GRAMD4: variants seen among roughly 807,000 people sequenced by gnomAD.
GRAMD4 encodes the protein GRAM domain-containing protein 4.
Under a neutral mutation model 83.9 loss-of-function variants are expected in GRAMD4, and 25 were observed. The observed-to-expected ratio is 0.30, with a 90% CI of 0.22 to 0.42. The LOEUF (loss-of-function observed/expected upper bound fraction) is 0.42. Among genes scored for constraint, GRAMD4 ranks in the 10% least tolerant of loss-of-function variants. The pLI is 1.00. For synonymous variants in GRAMD4, 336 were observed against 320.9 expected (o/e 1.05, Z -0.50); for missense variants, 593 against 788.7 (o/e 0.75, Z 2.97).
chr22:46,674,292 A>T (rs1293700332), intron 15 of GRAMD4, among the ~76,000 whole-genome samples: 4 of 151,978 alleles, frequency 2.6e-5, no homozygotes, highest in Non-Finnish European at 5.9e-5. Flanking sequence ...AGCTGCGGAG[A>T]ACGGAGCTTC....
At chr22:46,575,795 C>T (rs184787515), upstream of GRAMD4, among the ~76,000 whole-genome samples, 1 of 152,340 alleles carries the variant, frequency 6.6e-6, no homozygotes, top group African/African-American at 2.4e-5. Context: ...ACTGGGCAGC[C>T]CTTGCGGAAG....
At chr22:46,607,741 C>T (rs989908385) in intron 1 of GRAMD4, among the ~76,000 whole-genome samples, 8 of 152,352 alleles carry the variant, frequency 5.3e-5, no homozygotes, top group South Asian at 2.1e-4. Flanking sequence ...ACGCTGTGCT[C>T]GGAATGGGAC....
At chr22:46,586,399 T>C (rs1381897343) in intron 1 of GRAMD4, among the ~76,000 whole-genome samples, 2 of 152,038 alleles carry the variant, frequency 1.3e-5, no homozygotes, top group East Asian at 3.9e-4. Context: ...CGGGTGATGC[T>C]GGCTCGGAGG....
chr22:46,601,241 T>C (rs374115656), intron 1 of GRAMD4, among the ~76,000 whole-genome samples: 11 of 152,132 alleles, frequency 7.2e-5, no homozygotes, highest in East Asian at 5.8e-4. Context: ...GGAGACAGCT[T>C]GTCTTCTGTG....
chr22:46,668,030 T>G, intron 10 of GRAMD4, 66 bp from the exon 11 acceptor site: 1 of 1,175,390 alleles, frequency 8.5e-7, no homozygotes, highest in Non-Finnish European at 1.3e-6. Flanking sequence ...CTCCACACTG[T>G]TTTGTCAGTG....
chr22:46,665,544 G>C (rs1457239869), intron 8 of GRAMD4, 71 bp from the exon 9 acceptor site: 2 of 811,664 alleles, frequency 2.5e-6, no homozygotes, highest in East Asian at 2.6e-5. Flanking sequence ...CTGGTGGGGG[G>C]AGGCGGGAGG....
chr22:46,630,101 T>C (rs926115485), intron 2 of GRAMD4, among the ~76,000 whole-genome samples: 30 of 151,450 alleles, frequency 2.0e-4, no homozygotes, highest in Non-Finnish European at 2.9e-4. Flanking sequence ...CTCGGCTCAC[T>C]GCAACCTCCA....
At chr22:46,624,349 T>TTTTTTTTTTTTTTTTTTTTC (rs1447936104) in intron 1 of GRAMD4, among the ~76,000 whole-genome samples, 2 of 130,162 alleles carry the variant, frequency 1.5e-5, no homozygotes, top group Non-Finnish European at 3.2e-5. Context: ...TTTTTTTTTT[T>TTTTTTTTTTTTTTTTTTTTC]CTGAGACGGA....
At chr22:46,666,133 G>A (rs1211169223) in intron 9 of GRAMD4, among the ~76,000 whole-genome samples, 2 of 152,192 alleles carry the variant, frequency 1.3e-5, no homozygotes, top group East Asian at 1.9e-4. Flanking sequence ...CAGCACGCCC[G>A]TGTGACTGAC....
At chr22:46,639,807 A>T (rs1235055012) in intron 3 of GRAMD4, among the ~76,000 whole-genome samples, 1 of 152,188 alleles carries the variant, frequency 6.6e-6, no homozygotes, top group Non-Finnish European at 1.5e-5. Context: ...CTCTGGTGAC[A>T]CACTATGGCT....
At chr22:46,673,018 CG>C in intron 14 of GRAMD4, 21 bp downstream of exon 14, 1 of 1,543,394 alleles carries the variant, frequency 6.5e-7, no homozygotes, top group Non-Finnish European at 8.7e-7. Context: ...CCCCCAGCTG[CG>C]GGGATGGGGG....
At position 46,668,838 on chromosome 22, in the gene GRAMD4, G is replaced by T. The variant is rs1437974585; in HGVS notation, c.1014G>T (p.Leu338=). The T allele has an allele frequency of 6.2e-7, 1 of 1,612,914 alleles. No homozygotes were observed. The highest frequency in any genetic ancestry group is 1.1e-5 in the South Asian group (1 of 91,062). ...MWVQPEITQK[L]YVALWAAFLA... is the part of the protein sequence containing the mutation. Reference sequence around the variant, plus strand: ...TCCAGCCGGAGATCACACAGAAGCTGTATGTGGCGCTCTGGGCTGCCTTCC... The same window carrying T: ...TCCAGCCGGAGATCACACAGAAGCTTTATGTGGCGCTCTGGGCTGCCTTCC... Residue 338 remains leucine (L), a synonymous_variant, in exon 13 of 19, where the codon CTG becomes CTT. Transcript: ENST00000406902.
At chr22:46,634,612 C>G (rs758602491) in intron 2 of GRAMD4, among the ~76,000 whole-genome samples, 1 of 152,130 alleles carries the variant, frequency 6.6e-6, no homozygotes. Flanking sequence ...GCAGGTAGTG[C>G]GTGGCCACAG....
intron 17 of GRAMD4, among the ~76,000 whole-genome samples, 178 bp from the exon 18 acceptor site, chr22:46,676,422 C>T (rs1356542429): frequency 2.0e-5 from 3 of 152,184 alleles, no homozygotes; most frequent in Non-Finnish European, 4.4e-5. Flanking sequence ...TCTGGTGTCT[C>T]GGCCACAAAG....
At chr22:46,597,638 C>T (rs2081274953) in intron 1 of GRAMD4, among the ~76,000 whole-genome samples, 2 of 151,984 alleles carry the variant, frequency 1.3e-5, no homozygotes, top group Non-Finnish European at 2.9e-5. Context: ...CACAGGCACC[C>T]GCCACCACGC....
At chr22:46,577,514 C>T (rs1304974130) in intron 1 of GRAMD4, among the ~76,000 whole-genome samples, 1 of 151,132 alleles carries the variant, frequency 6.6e-6, no homozygotes, top group Non-Finnish European at 1.5e-5. Flanking sequence ...CCGCGGGCAC[C>T]TGCGGCCGCA....
At chr22:46,667,461 A>G (rs2082427630) in intron 10 of GRAMD4, among the ~76,000 whole-genome samples, 1 of 152,248 alleles carries the variant, frequency 6.6e-6, no homozygotes, top group East Asian at 1.9e-4. Context: ...CTGCTTTTGC[A>G]TTACCCTTGA....
upstream of GRAMD4, chr22:46,576,140 CACAGGGGACCCAGT>C (rs141644557): frequency 0.051 from 7,734 of 152,642 alleles, 669 homozygotes; most frequent in African/African-American, 0.18. Context: ...CGGGGCAGAG[CACAGGGGACCCAGT>C]CTGGGGAGGG....
intron 3 of GRAMD4, among the ~76,000 whole-genome samples, chr22:46,651,652 C>G (rs185097134): frequency 1.7e-4 from 26 of 152,318 alleles, no homozygotes; most frequent in Admixed American, 1.6e-3. Context: ...AGCAGGTGCC[C>G]CGTGCTGCCA....
Sources: gnomAD v4.1 joint callset for allele counts (sites outside exome capture counted in the v4.1 genomes callset) on GRCh38, gnomAD v4.1.1 for gene constraint, MANE v1.5 for transcripts, NCBI Gene and HGNC (gene_info 2026-07-23, HGNC 2026-07-21) for gene names.